Variants in UGT1A9 observed in about 807,000 individuals in gnomAD.
UGT1A9 encodes UDP glucuronosyltransferase family 1 member A9, also known as UDP-glucuronosyltransferase 1A9.
A neutral mutation model predicts 45.0 loss-of-function variants in UGT1A9; 35 were observed. That is an observed-to-expected ratio of 0.78 (90% confidence interval 0.59 to 1.03). The LOEUF (loss-of-function observed/expected upper bound fraction) is 1.03, where lower values mean the gene tolerates loss of function less well. UGT1A9 is among the 50% of genes least tolerant of loss of function. The pLI, the probability that UGT1A9 is intolerant of heterozygous loss-of-function variation, is 0.00. For synonymous variants in UGT1A9, 278 were observed against 250.6 expected (o/e 1.11, Z -1.03); for missense variants, 687 against 666.6 (o/e 1.03, Z -0.34).
chr2:233,738,744 T>G (rs1482217352), intron 1 of UGT1A9, among the ~76,000 whole-genome samples: 1 of 152,136 alleles, frequency 6.6e-6, no homozygotes, highest in Non-Finnish European at 1.5e-5. Flanking sequence ...CCTGACCATG[T>G]GGTAGAAAAG....
chr2:233,766,851 A>G (rs1202142571), intron 1 of UGT1A9, among the ~76,000 whole-genome samples, 183 bp from the exon 2 acceptor site: 1 of 152,234 alleles, frequency 6.6e-6, no homozygotes, highest in Non-Finnish European at 1.5e-5. Flanking sequence ...TTCCTCCTTT[A>G]GAAGGAAGTA....
intron 1 of UGT1A9, among the ~76,000 whole-genome samples, chr2:233,698,591 A>G (rs2075449213): frequency 6.6e-6 from 1 of 152,214 alleles, no homozygotes; most frequent in Non-Finnish European, 1.5e-5. Context: ...ATAATCCAAG[A>G]AATTCGGATT....
intron 1 of UGT1A9, among the ~76,000 whole-genome samples, chr2:233,748,921 T>C (rs1470974823): frequency 7.9e-5 from 12 of 151,634 alleles, no homozygotes; most frequent in Non-Finnish European, 2.9e-5. Context: ...CAGGTGAAGC[T>C]GAACATATCA....
In UGT1A9 at chr2:233,725,203, CAGA is replaced by C. The variant is rs1559370309; in HGVS notation, c.856-41830_856-41828del. On this transcript the variant is annotated intron_variant, in intron 1 of 4. Transcript: ENST00000354728. The stretch of plus-strand genomic sequence containing the variant: ...GGAGAGGCAGAGGCAGAGGCAGAGG[CAGA>C]GGCAGAGGCAGAGGAGGCAGAGGCA... Among the ~76,000 whole-genome samples, 4 of 83,028 alleles carry C rather than the reference CAGA, an allele frequency of 4.8e-5. 1 individual carries two copies. The highest frequency in any genetic ancestry group is 4.2e-5 in the Non-Finnish European group (2 of 47,892). 54.5% of individuals were successfully genotyped at this position (83,028 alleles called of 152,430 possible). A position where few individuals can be genotyped will look rare whatever the true frequency, so the allele number is the denominator to read the frequency against.
At chr2:233,711,337 G>C (rs1160306981) in intron 1 of UGT1A9, among the ~76,000 whole-genome samples, 1 of 152,226 alleles carries the variant, frequency 6.6e-6, no homozygotes, top group African/African-American at 2.4e-5. Flanking sequence ...CCACTGCATG[G>C]AGATAGAACA....
rs981811501 is a variant in UGT1A9 at position 233,745,071 on chromosome 2, G to T, written c.856-21963G>T. Reference sequence around the variant, plus strand: ...GTTTTTTATTTGTATTATTTGTATTGTTTTTTCATTGCTCTTCCCCCCAAA... The same window carrying T: ...GTTTTTTATTTGTATTATTTGTATTTTTTTTTCATTGCTCTTCCCCCCAAA... On this transcript the variant is annotated intron_variant, in intron 1 of 4. Transcript: ENST00000354728. Among the ~76,000 whole-genome samples the T allele has an allele frequency of 7.2e-5, 11 of 151,894 alleles. No individual in the cohort carries two copies. In the East Asian group the frequency reaches 9.6e-4, roughly 13 times the overall value.
intron 1 of UGT1A9, chr2:233,743,776 C>T: frequency 7.3e-7 from 1 of 1,367,308 alleles, no homozygotes; most frequent in Non-Finnish European, 9.8e-7. Context: ...CGGCCACCTG[C>T]TTGAATCTCC....
chr2:233,701,601 A>T, intron 1 of UGT1A9, among the ~76,000 whole-genome samples: 1 of 152,142 alleles, frequency 6.6e-6, no homozygotes, highest in Non-Finnish European at 1.5e-5. Context: ...GAAGTAAAGC[A>T]CTCCTCAGCA....
intron 1 of UGT1A9, chr2:233,713,873 C>A: frequency 1.2e-6 from 2 of 1,613,734 alleles, no homozygotes; most frequent in African/African-American, 1.3e-5. Flanking sequence ...GTATTGGTGC[C>A]TTTATCCAAT....
chr2:233,675,024 T>C (rs1238493978), intron 1 of UGT1A9, among the ~76,000 whole-genome samples: 1 of 152,150 alleles, frequency 6.6e-6, no homozygotes, highest in African/African-American at 2.4e-5. Context: ...TGATGGAGTA[T>C]GTGTTTGCAC....
chr2:233,686,575 T>C (rs186664969), intron 1 of UGT1A9, among the ~76,000 whole-genome samples: 6 of 152,260 alleles, frequency 3.9e-5, no homozygotes, highest in African/African-American at 1.2e-4. Flanking sequence ...CAGAAGTTAG[T>C]GTGGATTACT....
At chr2:233,766,592 C>T (rs1699195975) in intron 1 of UGT1A9, among the ~76,000 whole-genome samples, 1 of 152,146 alleles carries the variant, frequency 6.6e-6, no homozygotes, top group Admixed American at 6.5e-5. Flanking sequence ...GGAGCCCTCG[C>T]CAGGGACCAC....
intron 1 of UGT1A9, chr2:233,693,923 A>T (rs1415747588): frequency 1.6e-5 from 26 of 1,609,250 alleles, no homozygotes; most frequent in Non-Finnish European, 2.2e-5. Flanking sequence ...GTCCTCCCTC[A>T]CTCATTTGGC....
intron 1 of UGT1A9, among the ~76,000 whole-genome samples, chr2:233,757,460 G>A (rs34757826): frequency 4.7e-5 from 7 of 149,338 alleles, no homozygotes; most frequent in Non-Finnish European, 7.4e-5. Context: ...TGTCCAGAGC[G>A]CTTACTGTCT....
intron 1 of UGT1A9, among the ~76,000 whole-genome samples, chr2:233,714,080 A>G (rs1575505988): frequency 6.6e-6 from 1 of 152,026 alleles, no homozygotes; most frequent in Admixed American, 6.6e-5. Flanking sequence ...AGGGACGAGG[A>G]TCTGTCAAAG....
chr2:233,746,309 C>A (rs1693355389), intron 1 of UGT1A9, among the ~76,000 whole-genome samples: 1 of 151,738 alleles, frequency 6.6e-6, no homozygotes, highest in Admixed American at 6.5e-5. Context: ...CCTTGGAGGG[C>A]CCTGTAGATG....
intron 1 of UGT1A9, chr2:233,730,056 T>G (rs1178732328): frequency 1.2e-6 from 2 of 1,611,614 alleles, no homozygotes. Flanking sequence ...AAAAATGTAT[T>G]TATTTAAAAT....
rs1180664629 is a variant in UGT1A9, at chr2:233,724,483, C to T, written c.856-42551C>T. On this transcript the variant is annotated intron_variant, in intron 1 of 4. Coordinates refer to ENST00000354728, the MANE Select transcript of UGT1A9 (RefSeq NM_021027.3). ...GCGGAGGGGCTCCTCACTTCTCAGA[C>T]GGGGCGGCCGGGCAGAGACGCTCCT... 7.2e-3 allele frequency among the ~76,000 whole-genome samples: 496 copies of T among 68,798 alleles called. 18 individuals are homozygous for T. The highest frequency in any genetic ancestry group is 0.025 in the African/African-American group (456 of 18,100). The allele number at this position is 68,798 out of a possible 152,430, so 45.1% of individuals were successfully genotyped here. A position where few individuals can be genotyped will look rare whatever the true frequency, so the allele number is the denominator to read the frequency against.
chr2:233,757,899 T>C (rs1696747026), intron 1 of UGT1A9, among the ~76,000 whole-genome samples: 1 of 152,126 alleles, frequency 6.6e-6, no homozygotes, highest in African/African-American at 2.4e-5. Context: ...ACACTTTCCA[T>C]GGACGTGTCA....
Sources: gnomAD v4.1 joint callset for allele counts (sites outside exome capture counted in the v4.1 genomes callset) on GRCh38, gnomAD v4.1.1 for gene constraint, MANE v1.5 for transcripts, NCBI Gene and HGNC (gene_info 2026-07-23, HGNC 2026-07-21) for gene names.